The following GALNT18 variants were observed in gnomAD, a reference collection of about 807,000 sequenced individuals.
The protein encoded by GALNT18 is polypeptide N-acetylgalactosaminyltransferase 18, also known as GalNAc-transferase 18.
Under a neutral mutation model 69.5 loss-of-function variants are expected in GALNT18, and 44 were observed. That is an observed-to-expected ratio of 0.63 (90% confidence interval 0.50 to 0.81). GALNT18 has a LOEUF of 0.81. GALNT18 is among the 40% of genes least tolerant of loss of function. GALNT18 has a pLI of 0.00. For missense variants in GALNT18, 715 were observed against 810.0 expected (o/e 0.88, Z 1.42); for synonymous variants, 364 against 318.2 (o/e 1.14, Z -1.53).
In GALNT18 at chr11:11,404,604, C is replaced by T. The variant is rs752636525; in HGVS notation, c.596-25340G>A. Among the ~76,000 whole-genome samples, 3 of 152,164 alleles carry T rather than the reference C, an allele frequency of 2.0e-5. No homozygotes were observed. Among genetic ancestry groups the T allele is most frequent in the Non-Finnish European group, 1.5e-5 (1 of 68,034 alleles). Reference sequence around the variant, plus strand: ...CGGCTCCATCCAAACCTAAGCCCTCCGCCCCACCCTGCGTTCTGGAATTCC... The same window carrying T: ...CGGCTCCATCCAAACCTAAGCCCTCTGCCCCACCCTGCGTTCTGGAATTCC... On this transcript the variant is annotated intron_variant, in intron 3 of 10. Coordinates refer to ENST00000227756, the MANE Select transcript of GALNT18 (RefSeq NM_198516.3). This position sits in a 1 kb window ranked among gnomAD's most constrained non-coding sequence, Gnocchi z 4.5.
intron 8 of GALNT18, among the ~76,000 whole-genome samples, chr11:11,330,140 GGCCTGCAGGA>G (rs1408846460): frequency 6.6e-6 from 1 of 152,132 alleles, no homozygotes; most frequent in Non-Finnish European, 1.5e-5. Flanking sequence ...CAGGTCCTTA[GGCCTGCAGGA>G]GTCATTAATG....
chr11:11,411,926 G>C (rs1223185676), intron 3 of GALNT18, among the ~76,000 whole-genome samples: 1 of 152,210 alleles, frequency 6.6e-6, no homozygotes, highest in Non-Finnish European at 1.5e-5. Flanking sequence ...TCAGCCACTG[G>C]TTCTGGGCCA....
At chr11:11,437,540 T>C (rs1408224599) in intron 2 of GALNT18, among the ~76,000 whole-genome samples, 2 of 152,026 alleles carry the variant, frequency 1.3e-5, no homozygotes, top group Non-Finnish European at 2.9e-5. Flanking sequence ...GCTTCAGTGC[T>C]GTACGATCAT....
chr11:11,271,761 C>T (rs1000586893), intron 10 of GALNT18, among the ~76,000 whole-genome samples: 18 of 152,218 alleles, frequency 1.2e-4, no homozygotes, highest in African/African-American at 4.1e-4. Flanking sequence ...CCAAAGTCAG[C>T]CTCCTGGTTA....
At chr11:11,490,825 C>G (rs1856755437) in intron 1 of GALNT18, among the ~76,000 whole-genome samples, 1 of 152,220 alleles carries the variant, frequency 6.6e-6, no homozygotes, top group African/African-American at 2.4e-5. Context: ...GGGCCTGGGT[C>G]TCCCTAATGA....
chr11:11,379,314 G>T, intron 3 of GALNT18, 50 bp from the exon 4 acceptor site: 1 of 1,541,634 alleles, frequency 6.5e-7, no homozygotes, highest in Non-Finnish European at 8.8e-7. Context: ...TCAGGAGGCA[G>T]AGGGGGCAAT....
Position 11,339,968 on chromosome 11 carries a change from T to C in GALNT18, c.1278+851A>G, listed in dbSNP as rs976675410. On this transcript the variant is annotated intron_variant, in intron 7 of 10. Coordinates refer to ENST00000227756, the MANE Select transcript of GALNT18 (RefSeq NM_198516.3). The surrounding 1 kb of genome is among the most constrained non-coding windows in gnomAD (Gnocchi z 5.2). ...TAAAGGACTCCAAAAGGGATTGCCATGGCCTTGGGAGGAAAGAATGAGGTC... is the reference window on the plus strand; with the variant it reads ...TAAAGGACTCCAAAAGGGATTGCCACGGCCTTGGGAGGAAAGAATGAGGTC... Among the ~76,000 whole-genome samples, 1 of 152,230 alleles carries C rather than the reference T, an allele frequency of 6.6e-6. No individual in the cohort carries two copies. The highest frequency in any genetic ancestry group is 6.5e-5 in the Admixed American group (1 of 15,282).
intron 3 of GALNT18, among the ~76,000 whole-genome samples, chr11:11,423,231 C>T (rs921868139): frequency 1.3e-5 from 2 of 152,214 alleles, no homozygotes; most frequent in Non-Finnish European, 2.9e-5. Context: ...GATATGCATG[C>T]AAGGCATGCA....
intron 1 of GALNT18, among the ~76,000 whole-genome samples, chr11:11,522,681 G>A (rs554649774): frequency 4.2e-4 from 64 of 152,180 alleles, no homozygotes; most frequent in Middle Eastern, 3.4e-3. Context: ...TCTGGATGTT[G>A]AAACACAAAA....
intron 1 of GALNT18, among the ~76,000 whole-genome samples, chr11:11,579,247 T>A (rs61134735): frequency 0.05 from 7,570 of 152,212 alleles, 625 homozygotes; most frequent in African/African-American, 0.17. Context: ...AGGAACTTAC[T>A]GAGCCACCCT....
chr11:11,571,381 T>G (rs1858790118), intron 1 of GALNT18, among the ~76,000 whole-genome samples: 1 of 152,340 alleles, frequency 6.6e-6, no homozygotes, highest in African/African-American at 2.4e-5. Context: ...CTCAGCAGGC[T>G]GGGAAATGAG....
Position 11,281,038 on chromosome 11 carries a change from T to G in GALNT18, c.1678-9748A>C, listed in dbSNP as rs11820399. On this transcript the variant is annotated intron_variant, in intron 10 of 10. Coordinates refer to ENST00000227756, the MANE Select transcript of GALNT18 (RefSeq NM_198516.3). ...CAGGCTGGGCTGTGTTGCTGATGCTTCTTGAACAGATCTGTGGCCAGTTCC... is the reference window on the plus strand; with the variant it reads ...CAGGCTGGGCTGTGTTGCTGATGCTGCTTGAACAGATCTGTGGCCAGTTCC... Among the ~76,000 whole-genome samples, 399 of 152,232 alleles carry G rather than the reference T, an allele frequency of 2.6e-3. 3 individuals are homozygous for G. Among genetic ancestry groups the G allele is most frequent in the African/African-American group, 9.2e-3 (382 of 41,524 alleles).
chr11:11,377,669 A>AG lies in GALNT18; in HGVS notation c.780-291dup, dbSNP rs1213481933. ...CCTGCTCGCTTTCCCTTTCTCCATT[A>AG]GAAAAAAAAAAAATCAAGACTCAAA... is the stretch of plus-strand genomic sequence containing the variant. On this transcript the variant is annotated intron_variant, in intron 4 of 10. Coordinates refer to ENST00000227756, the MANE Select transcript of GALNT18 (RefSeq NM_198516.3). The surrounding 1 kb of genome is among the most constrained non-coding windows in gnomAD (Gnocchi z 4.6). Among the ~76,000 whole-genome samples the AG allele has an allele frequency of 3.1e-5, 2 of 64,780 alleles. No homozygotes were observed. The highest frequency in any genetic ancestry group is 1.1e-4 in the African/African-American group (2 of 19,042). The allele number at this position is 64,780 out of a possible 152,430, so 42.5% of individuals were successfully genotyped here.
At chr11:11,279,929 C>T (rs967245061) in intron 10 of GALNT18, among the ~76,000 whole-genome samples, 2 of 151,740 alleles carry the variant, frequency 1.3e-5, no homozygotes, top group African/African-American at 4.9e-5. Context: ...ATCCAGCTCC[C>T]TGAGAAGGGA....
chr11:11,577,140 G>A (rs1373937436), intron 1 of GALNT18, among the ~76,000 whole-genome samples: 3 of 152,238 alleles, frequency 2.0e-5, no homozygotes, highest in African/African-American at 7.2e-5. Context: ...CACATCTGCA[G>A]TGCGGATGAA....
intron 3 of GALNT18, among the ~76,000 whole-genome samples, chr11:11,397,511 T>G (rs575329088): frequency 6.6e-6 from 1 of 152,320 alleles, no homozygotes; most frequent in East Asian, 1.9e-4. Context: ...TTGCCTAAGC[T>G]GGAGTGCAAT....
intron 1 of GALNT18, among the ~76,000 whole-genome samples, chr11:11,533,827 C>T (rs1857711694): frequency 6.6e-6 from 1 of 152,242 alleles, no homozygotes; most frequent in Admixed American, 6.5e-5. Flanking sequence ...CGTTTCTCTG[C>T]CTCATTATCT....
chr11:11,598,218 T>A lies in GALNT18; in HGVS notation c.235+23141A>T, dbSNP rs1859547845. Among the ~76,000 whole-genome samples, 2 of 148,462 alleles carry A rather than the reference T, an allele frequency of 1.3e-5. No individual in the cohort carries two copies. Among genetic ancestry groups the A allele is most frequent in the African/African-American group, 5.3e-5 (2 of 37,962 alleles). ...AATAAATTACTATAATCTATAATAA[T>A]CTATAACAAATTATAACTGTAATCT... On this transcript the variant is annotated intron_variant, in intron 1 of 10. Transcript: ENST00000227756. The surrounding 1 kb of genome is among the most constrained non-coding windows in gnomAD (Gnocchi z 4.8).
intron 10 of GALNT18, among the ~76,000 whole-genome samples, chr11:11,279,459 G>A (rs1256960045): frequency 7.2e-5 from 11 of 152,012 alleles, no homozygotes; most frequent in South Asian, 2.1e-4. Flanking sequence ...AAAAACATGC[G>A]CATGAATGCT....
Sources: allele counts gnomAD v4.1 joint callset (sites outside exome capture counted in the v4.1 genomes callset), GRCh38; gene constraint gnomAD v4.1.1; non-coding constraint Gnocchi (gnomAD v3.1); transcripts MANE v1.5; gene names NCBI Gene and HGNC (gene_info 2026-07-23, HGNC 2026-07-21).